Variants in NRXN1 observed in about 807,000 individuals in gnomAD.
NRXN1 encodes the protein neurexin-1.
Under a neutral mutation model 150.9 loss-of-function variants are expected in NRXN1, and 39 were observed. The observed-to-expected ratio is 0.26, with a 90% CI of 0.20 to 0.34. The LOEUF is 0.34. NRXN1 is among the 10% of genes least tolerant of loss of function. The pLI, the probability that NRXN1 is intolerant of heterozygous loss-of-function variation, is 1.00. For synonymous variants in NRXN1, 924 were observed against 757.0 expected (o/e 1.22, Z -3.62); for missense variants, 1,815 against 1,949.9 (o/e 0.93, Z 1.30).
At chr2:50,256,276 T>C (rs993021709) in intron 17 of NRXN1, among the ~76,000 whole-genome samples, 2 of 152,170 alleles carry the variant, frequency 1.3e-5, no homozygotes, top group Non-Finnish European at 1.5e-5. Flanking sequence ...TCACAGACCA[T>C]GTACCAAACG....
intron 17 of NRXN1, among the ~76,000 whole-genome samples, chr2:50,295,750 G>A (rs1360190966): frequency 1.3e-5 from 2 of 152,142 alleles, no homozygotes; most frequent in South Asian, 4.1e-4. Context: ...ATGAAGAATT[G>A]CTCTTTAAAG....
At position 50,144,319 on chromosome 2, in the gene NRXN1, G is replaced by A. The variant is rs145728952; in HGVS notation, c.3547-52825C>T. Among the ~76,000 whole-genome samples, 302 of 151,664 alleles carry A rather than the reference G, an allele frequency of 2.0e-3. 1 individual carries two copies. Among genetic ancestry groups the A allele is most frequent in the African/African-American group, 7.0e-3 (291 of 41,424 alleles). Reference sequence around the variant, plus strand: ...CAAGCCCTACCTGAGCCTTGCCCACGCTACCACCACTCTGTCTGAATTTTT... The same window carrying A: ...CAAGCCCTACCTGAGCCTTGCCCACACTACCACCACTCTGTCTGAATTTTT... On this transcript the variant is annotated intron_variant, in intron 18 of 22. Transcript: ENST00000401669.
At chr2:50,588,466 GTAAC>G (rs549774594) in intron 8 of NRXN1, among the ~76,000 whole-genome samples, 203 of 152,228 alleles carry the variant, frequency 1.3e-3, no homozygotes, top group Non-Finnish European at 2.2e-3. Context: ...AGTATAGGAA[GTAAC>G]TAACAGGAAC....
intron 21 of NRXN1, among the ~76,000 whole-genome samples, chr2:50,019,972 A>G (rs7601901): frequency 0.19 from 20,969 of 111,792 alleles, 4,115 homozygotes; most frequent in South Asian, 0.27. Context: ...AAAAAAAAAA[A>G]AGAGAGAGAG....
chr2:50,748,353 A>C (rs1301718027), intron 5 of NRXN1, among the ~76,000 whole-genome samples: 1 of 152,150 alleles, frequency 6.6e-6, no homozygotes, highest in Non-Finnish European at 1.5e-5. Flanking sequence ...CATTGCTAAT[A>C]TCTCTATGAA....
chr2:49,991,298 T>C (rs2152520708), intron 21 of NRXN1, among the ~76,000 whole-genome samples: 1 of 152,204 alleles, frequency 6.6e-6, no homozygotes, highest in Non-Finnish European at 1.5e-5. Context: ...CTATCTTTGC[T>C]TGCAGGTGAC....
chr2:50,417,453 A>T (rs2083625335), intron 17 of NRXN1, among the ~76,000 whole-genome samples: 1 of 152,076 alleles, frequency 6.6e-6, no homozygotes, highest in South Asian at 2.1e-4. Context: ...TTCTCTGAAG[A>T]GAAGGAAGCC....
chr2:50,761,127 G>A (rs1216806338), intron 5 of NRXN1, among the ~76,000 whole-genome samples: 1 of 151,900 alleles, frequency 6.6e-6, no homozygotes, highest in Non-Finnish European at 1.5e-5. Context: ...GGTTGAGTAG[G>A]CTACCATTCC....
intron 5 of NRXN1, among the ~76,000 whole-genome samples, chr2:50,639,475 C>T (rs1683753281): frequency 1.3e-5 from 2 of 151,874 alleles, no homozygotes; most frequent in African/African-American, 4.8e-5. Flanking sequence ...CCTGTCTCAG[C>T]CTCCCAAAGT....
At chr2:50,278,748 A>G (rs2071006722) in intron 17 of NRXN1, among the ~76,000 whole-genome samples, 1 of 152,126 alleles carries the variant, frequency 6.6e-6, no homozygotes, top group African/African-American at 2.4e-5. Flanking sequence ...GCTGGAATTC[A>G]ATTATAGTAT....
At chr2:50,945,899 T>TATATATATATAC (rs371095334) in intron 2 of NRXN1, among the ~76,000 whole-genome samples, 94 of 102,990 alleles carry the variant, frequency 9.1e-4, no homozygotes, top group African/African-American at 3.5e-3. Flanking sequence ...TATATATATA[T>TATATATATATAC]ACACACACAC....
intron 2 of NRXN1, among the ~76,000 whole-genome samples, chr2:50,941,000 T>G (rs1172200569): frequency 6.6e-6 from 1 of 152,304 alleles, no homozygotes; most frequent in Admixed American, 6.5e-5. Context: ...GAGATTGGCC[T>G]GATGGGAGGT....
At chr2:50,870,335 G>C (rs919001730) in intron 5 of NRXN1, among the ~76,000 whole-genome samples, 8 of 151,748 alleles carry the variant, frequency 5.3e-5, no homozygotes, top group Non-Finnish European at 7.4e-5. Flanking sequence ...CAATCATTGA[G>C]TCTTCTTTTA....
intron 8 of NRXN1, among the ~76,000 whole-genome samples, chr2:50,585,940 G>T (rs1168192779): frequency 6.6e-6 from 1 of 152,144 alleles, no homozygotes; most frequent in African/African-American, 2.4e-5. Flanking sequence ...ATTCTGGTAG[G>T]CAACAACCAT....
chr2:49,961,726 C>G (rs893544189), intron 21 of NRXN1, among the ~76,000 whole-genome samples: 23 of 152,140 alleles, frequency 1.5e-4, no homozygotes, highest in African/African-American at 2.2e-4. Context: ...GTCCAACACT[C>G]TTTCCAAATA....
chr2:50,922,591 T>A lies in NRXN1; in HGVS notation c.820+67A>T. 2.0e-6 allele frequency: 3 copies of A among 1,499,528 alleles called. No homozygotes were observed. In the East Asian group the frequency reaches 7.0e-5, roughly 35 times the overall value. The allele number at this position is 1,499,528 out of a possible 1,614,324, so 92.9% of individuals were successfully genotyped here. On this transcript the variant is annotated intron_variant, in intron 4 of 22. Coordinates refer to ENST00000401669, the MANE Select transcript of NRXN1 (RefSeq NM_001330078.2). The stretch of plus-strand genomic sequence containing the variant: ...AGCATTTGCCCATCCTTTGCAGTGA[T>A]GGTTTGAAAGCAGCTACAGAACAAG...
intron 12 of NRXN1, among the ~76,000 whole-genome samples, chr2:50,510,624 G>C (rs191238927): frequency 4.6e-5 from 7 of 151,134 alleles, no homozygotes; most frequent in Non-Finnish European, 7.4e-5. Context: ...TTTTACACTT[G>C]ATTTTTACTG....
intron 2 of NRXN1, among the ~76,000 whole-genome samples, chr2:51,021,871 A>C (rs560506631): frequency 6.6e-6 from 1 of 152,242 alleles, no homozygotes; most frequent in African/African-American, 2.4e-5. Flanking sequence ...TACAGGTATT[A>C]GTTTATGTGG....
At chr2:50,348,186 C>T (rs573981379) in intron 17 of NRXN1, among the ~76,000 whole-genome samples, 12 of 152,250 alleles carry the variant, frequency 7.9e-5, no homozygotes, top group Admixed American at 6.5e-4. Flanking sequence ...AAGCATCAGT[C>T]GCGATGATCT....
Sources: gnomAD v4.1 joint callset for allele counts (sites outside exome capture counted in the v4.1 genomes callset) on GRCh38, gnomAD v4.1.1 for gene constraint, MANE v1.5 for transcripts, NCBI Gene and HGNC (gene_info 2026-07-23, HGNC 2026-07-21) for gene names.